NXN: variants seen among roughly 807,000 people sequenced by gnomAD.
NXN encodes nucleoredoxin 1.
Under a neutral mutation model 48.6 loss-of-function variants are expected in NXN, and 16 were observed. That is an observed-to-expected ratio of 0.33 (90% CI 0.22 to 0.50). The LOEUF is 0.50. NXN is among the 20% of genes least tolerant of loss of function. The probability of loss-of-function intolerance (pLI) is 0.98; values close to 1 mark genes in which losing one functional copy is unlikely to be tolerated. For missense variants in NXN, 492 were observed against 605.5 expected, an observed-to-expected ratio of 0.81 and a Z score of 1.97; for synonymous variants, 281 against 269.6, an observed-to-expected ratio of 1.04 and a Z score of -0.41.
intron 1 of NXN, among the ~76,000 whole-genome samples, chr17:857,787 C>T (rs2068001323): frequency 6.6e-6 from 1 of 152,126 alleles, no homozygotes; most frequent in South Asian, 2.1e-4. Flanking sequence ...TAGAGACCTC[C>T]TCTAGGTGGC....
intron 1 of NXN, among the ~76,000 whole-genome samples, chr17:945,624 G>A (rs1259968970): frequency 2.6e-5 from 3 of 116,740 alleles, no homozygotes; most frequent in African/African-American, 1.3e-4. Flanking sequence ...GAGTGACTCC[G>A]TCTCAAAAAA....
chr17:804,295 T>TTTTTC (rs1455304123), intron 6 of NXN, among the ~76,000 whole-genome samples: 10 of 146,654 alleles, frequency 6.8e-5, no homozygotes, highest in African/African-American at 2.6e-4. Flanking sequence ...TTTTTTTTTT[T>TTTTTC]TTTTTGAGAC....
In NXN at chr17:835,144, T is replaced by TA. The variant is rs1223992987; in HGVS notation, c.361-9067dup. ...TAACATGGTGAAACCCTGTCTCTACTAAAAATACAAAAAATTAGCCGGGTG... is the reference window on the plus strand; with the variant it reads ...TAACATGGTGAAACCCTGTCTCTACTAAAAAATACAAAAAATTAGCCGGGTG... On this transcript the variant is annotated intron_variant, in intron 1 of 7. Transcript: ENST00000336868. Among the ~76,000 whole-genome samples the TA allele has an allele frequency of 4.6e-5, 7 of 151,038 alleles. No homozygotes were observed. In the South Asian group the frequency reaches 6.3e-4, roughly 14 times the overall value.
At chr17:910,773 G>C (rs897812136) in intron 1 of NXN, 1 of 152,162 alleles carries the variant, frequency 6.6e-6, no homozygotes, top group East Asian at 1.9e-4. Context: ...AGTCACCGGG[G>C]AGTTCAAAAT....
chr17:935,455 T>C (rs887987767), intron 1 of NXN, among the ~76,000 whole-genome samples: 30 of 152,236 alleles, frequency 2.0e-4, no homozygotes, highest in African/African-American at 7.0e-4. Context: ...CGCTCGGTCA[T>C]GGCCGGCGGG....
chr17:859,270 C>T (rs1037098582), intron 1 of NXN, among the ~76,000 whole-genome samples: 1 of 152,152 alleles, frequency 6.6e-6, no homozygotes, highest in African/African-American at 2.4e-5. Flanking sequence ...TAGTTCAAAG[C>T]GGTCGTTTGG....
At chr17:814,043 A>G (rs1268029045) in intron 5 of NXN, among the ~76,000 whole-genome samples, 1 of 151,902 alleles carries the variant, frequency 6.6e-6, no homozygotes, top group African/African-American at 2.4e-5. Flanking sequence ...GGCAGATCAC[A>G]TGAGGTCAGG....
chr17:849,877 CAG>C lies in NXN; in HGVS notation c.361-23801_361-23800del, dbSNP rs773535031. The stretch of plus-strand genomic sequence containing the variant: ...GGAGGGGCAGGAGAGACACCAGAGT[CAG>C]AGAGGAGCGAACGAGAGAAGCTGCA... On this transcript the variant is annotated intron_variant, in intron 1 of 7. Transcript: ENST00000336868. The surrounding 1 kb of genome is among the most constrained non-coding windows in gnomAD (Gnocchi z 4.2). Among the ~76,000 whole-genome samples the C allele has an allele frequency of 5.3e-5, 8 of 152,078 alleles. No individual in the cohort carries two copies. The highest frequency in any genetic ancestry group is 2.0e-4 in the Admixed American group (3 of 15,266).
chr17:979,226 G>A (rs1225099713), intron 1 of NXN, 93 bp downstream of exon 1: 7 of 914,200 alleles, frequency 7.7e-6, no homozygotes, highest in Non-Finnish European at 1.0e-5. Context: ...GGACAACGGG[G>A]TTGGCGGAGG....
At chr17:827,506 C>G (rs1384433519) in intron 1 of NXN, among the ~76,000 whole-genome samples, 1 of 152,156 alleles carries the variant, frequency 6.6e-6, no homozygotes, top group Non-Finnish European at 1.5e-5. Context: ...GCCTGTAGTC[C>G]CAGCTACTCG....
chr17:945,196 C>G (rs1363291363), intron 1 of NXN, among the ~76,000 whole-genome samples: 1 of 151,976 alleles, frequency 6.6e-6, no homozygotes, highest in East Asian at 2.0e-4. Flanking sequence ...ATTCTCCTGC[C>G]TCAGCCTCCC....
chr17:916,450 A>C (rs76475328), intron 1 of NXN, among the ~76,000 whole-genome samples: 14,377 of 152,220 alleles, frequency 0.094, 718 homozygotes, highest in East Asian at 0.14. Flanking sequence ...TACCAAACTA[A>C]AAAAAAGGAA....
intron 5 of NXN, among the ~76,000 whole-genome samples, chr17:818,742 C>T (rs544833948): frequency 4.6e-5 from 7 of 151,670 alleles, no homozygotes; most frequent in East Asian, 2.0e-4. Context: ...AAAATTTAGC[C>T]GGGCGTGTGG....
intron 1 of NXN, among the ~76,000 whole-genome samples, chr17:911,834 CACATAAA>C (rs2068639676): frequency 1.3e-5 from 2 of 151,306 alleles, no homozygotes; most frequent in Admixed American, 6.6e-5. Context: ...ACAAAATATG[CACATAAA>C]ACATTTCACG....
chr17:952,032 C>A (rs1034426916), intron 1 of NXN, among the ~76,000 whole-genome samples: 1 of 152,212 alleles, frequency 6.6e-6, no homozygotes, highest in Non-Finnish European at 1.5e-5. Flanking sequence ...TCCCTCATGG[C>A]CAGCGCTGAA....
intron 7 of NXN, among the ~76,000 whole-genome samples, chr17:803,039 A>T (rs73975534): frequency 0.12 from 17,518 of 152,104 alleles, 1,868 homozygotes; most frequent in African/African-American, 0.28. Flanking sequence ...TGAGTCGCGG[A>T]GACGCCCGTC....
intron 1 of NXN, among the ~76,000 whole-genome samples, chr17:894,905 C>T (rs1597220153): frequency 6.6e-6 from 1 of 151,936 alleles, no homozygotes; most frequent in African/African-American, 2.4e-5. Context: ...GTGGGCACAC[C>T]CAGGTCCCCG....
At position 932,954 on chromosome 17, in the gene NXN, G is replaced by GCCCA. The variant is rs1258962143; in HGVS notation, c.360+46364_360+46365insTGGG. On this transcript the variant is annotated intron_variant, in intron 1 of 7. Coordinates refer to ENST00000336868, the MANE Select transcript of NXN (RefSeq NM_022463.5). The surrounding 1 kb of genome is among the most constrained non-coding windows in gnomAD (Gnocchi z 4.1). ...TGAGCCACCGCGCCCAGCCCAGCCC[G>GCCCA]TCCTCTTGAACCTGCTCAGTTTCAG... is the stretch of plus-strand genomic sequence containing the variant. 2.9e-4 allele frequency among the ~76,000 whole-genome samples: 38 copies of GCCCA among 132,520 alleles called. No individual in the cohort carries two copies. Among genetic ancestry groups the GCCCA allele is most frequent in the Admixed American group, 8.6e-4 (11 of 12,820 alleles). The allele number at this position is 132,520 out of a possible 152,430, so 86.9% of individuals were successfully genotyped here. A position where few individuals can be genotyped will look rare whatever the true frequency, so the allele number is the denominator to read the frequency against.
At chr17:943,779 C>T (rs936143097) in intron 1 of NXN, among the ~76,000 whole-genome samples, 6 of 145,490 alleles carry the variant, frequency 4.1e-5, no homozygotes, top group East Asian at 2.1e-4. Context: ...GAGCCGAGAT[C>T]GCGCCACTGC....
Sources: gnomAD v4.1 joint callset for allele counts (sites outside exome capture counted in the v4.1 genomes callset) on GRCh38, gnomAD v4.1.1 for gene constraint, Gnocchi (gnomAD v3.1) non-coding constraint, MANE v1.5 for transcripts, NCBI Gene and HGNC (gene_info 2026-07-23, HGNC 2026-07-21) for gene names.